Variants in GALNS observed in about 807,000 individuals in gnomAD.
GALNS encodes galactosamine (N-acetyl)-6-sulfatase.
In GALNS, 65 loss-of-function variants were observed where a neutral mutation model predicts 65.9. The ratio of observed to expected loss-of-function variants is 0.99; its 90% CI spans 0.81 to 1.21. The LOEUF is 1.21. Ranked by LOEUF, GALNS falls within the 50% of genes most tolerant of loss-of-function variation. The probability of loss-of-function intolerance (pLI) is 0.00; values close to 1 mark genes in which losing one functional copy is unlikely to be tolerated. For synonymous variants in GALNS, 346 were observed against 288.9 expected, an observed-to-expected ratio of 1.20 and a Z score of -2.00; for missense variants, 776 against 700.7, an observed-to-expected ratio of 1.11 and a Z score of -1.21.
intron 1 of GALNS, among the ~76,000 whole-genome samples, chr16:88,852,993 G>A (rs1416569813): frequency 1.3e-5 from 2 of 151,934 alleles, no homozygotes; most frequent in Admixed American, 6.6e-5. Flanking sequence ...GCTCATGCCT[G>A]TAATCCCAGC....
chr16:88,847,515 T>C (rs1346934361), intron 1 of GALNS, among the ~76,000 whole-genome samples: 1 of 152,208 alleles, frequency 6.6e-6, no homozygotes, highest in Non-Finnish European at 1.5e-5. Flanking sequence ...GGGCTGTGCC[T>C]GGAGGCCGAG....
chr16:88,834,600 GC>G (rs1230062206), intron 8 of GALNS, among the ~76,000 whole-genome samples: 3 of 65,682 alleles, frequency 4.6e-5, no homozygotes, highest in African/African-American at 4.1e-5. Flanking sequence ...AGGCTGTAGG[GC>G]CCCCCCCGTG....
intron 1 of GALNS, among the ~76,000 whole-genome samples, chr16:88,848,102 G>A (rs73252888): frequency 0.018 from 2,695 of 152,330 alleles, 85 homozygotes; most frequent in African/African-American, 0.059. Context: ...CCCATGAGCC[G>A]TAAGATTCCA....
At chr16:88,842,413 C>G in intron 2 of GALNS, 2 of 540,490 alleles carry the variant, frequency 3.7e-6, no homozygotes, top group Non-Finnish European at 6.7e-6. Flanking sequence ...GACGGAGCCA[C>G]ACTGCAGCAC....
At chr16:88,839,795 G>A (rs1193874764) in intron 4 of GALNS, among the ~76,000 whole-genome samples, 1 of 152,176 alleles carries the variant, frequency 6.6e-6, no homozygotes, top group Non-Finnish European at 1.5e-5. Context: ...CAGGAGCCTC[G>A]AGGCCTCTAT....
chr16:88,854,773 C>T (rs9939301), intron 1 of GALNS, among the ~76,000 whole-genome samples: 3,939 of 152,338 alleles, frequency 0.026, 171 homozygotes, highest in African/African-American at 0.09. Flanking sequence ...CCTGGTCTGT[C>T]GACTCAGGAG....
In GALNS at chr16:88,835,810, G is replaced by A. The variant is rs1353997349; in HGVS notation, c.673C>T (p.Pro225Ser). Residue 225 changes from proline (P) to serine (S), a missense_variant, in exon 7 of 14, where the codon CCC becomes TCC. Pro to Ser is a moderately conservative substitution (Grantham distance 74). Transcript: ENST00000268695. ...TCGACAGCCCAGTAGAGGAAAAAGG[G>A]GTGGTGCCGTGCCTGTCTCTTAATG... is the stretch of plus-strand genomic sequence containing the variant. Reference protein sequence around the residue: ...DFIKRQARHHPFFLYWAVDAT... With the variant: ...DFIKRQARHHSFFLYWAVDAT... 1 of 1,614,162 alleles carries A rather than the reference G, an allele frequency of 6.2e-7. No homozygotes were observed.
intron 8 of GALNS, among the ~76,000 whole-genome samples, chr16:88,833,854 T>C (rs1051228408): frequency 6.6e-6 from 1 of 152,198 alleles, no homozygotes; most frequent in Non-Finnish European, 1.5e-5. Flanking sequence ...ATACCATTTG[T>C]TGGTATGAAA....
chr16:88,841,582 C>T (rs958675281), intron 3 of GALNS, among the ~76,000 whole-genome samples: 5 of 152,228 alleles, frequency 3.3e-5, no homozygotes, highest in Non-Finnish European at 7.3e-5. Context: ...CCAGAACTGC[C>T]GCTGATGCCA....
At chr16:88,846,564 T>G (rs924202403) in intron 1 of GALNS, among the ~76,000 whole-genome samples, 6 of 144,520 alleles carry the variant, frequency 4.2e-5, no homozygotes, top group African/African-American at 1.3e-4. Flanking sequence ...TCGCCCAGGC[T>G]GGAGGGCACA....
chr16:88,843,018 G>A (rs531631373), intron 1 of GALNS, 189 bp from the exon 2 acceptor site: 10 of 1,526,264 alleles, frequency 6.6e-6, no homozygotes, highest in African/African-American at 5.6e-5. Context: ...GCCGCTCCAC[G>A]CCAGCCCAAA....
At chr16:88,856,291 G>A (rs192411616) in intron 1 of GALNS, 13 of 702,984 alleles carry the variant, frequency 1.8e-5, no homozygotes, top group African/African-American at 1.2e-4. Flanking sequence ...CCGAGGTGGC[G>A]GGAGTGATTC....
intron 1 of GALNS, among the ~76,000 whole-genome samples, chr16:88,854,104 G>A (rs1192383284): frequency 6.6e-6 from 1 of 152,186 alleles, no homozygotes; most frequent in African/African-American, 2.4e-5. Context: ...GCTGGAGGCA[G>A]CCGGTCCCTG....
At chr16:88,843,052 C>T (rs1267261390) in intron 1 of GALNS, 18 of 1,521,808 alleles carry the variant, frequency 1.2e-5, no homozygotes, top group Admixed American at 5.9e-5. Context: ...TGCGTGCGTG[C>T]ACGATGGGGC....
chr16:88,824,934 C>G, intron 10 of GALNS, 65 bp from the exon 11 acceptor site: 1 of 1,316,892 alleles, frequency 7.6e-7, no homozygotes, highest in Non-Finnish European at 1.1e-6. Context: ...CCTGGAGGCT[C>G]TGGGCTGCGT....
In GALNS at chr16:88,816,127, CT is replaced by C. The variant is rs937804517; in HGVS notation, c.1483-1603del. 1.0e-5 allele frequency: 10 copies of C among 967,742 alleles called. No individual in the cohort carries two copies. The Admixed American group carries it at 5.4e-4, about 52-fold the overall frequency. The allele number at this position is 967,742 out of a possible 1,614,324, so 59.9% of individuals were successfully genotyped here. On this transcript the variant is annotated intron_variant, in intron 13 of 13. Coordinates refer to ENST00000268695, the MANE Select transcript of GALNS (RefSeq NM_000512.5). The stretch of plus-strand genomic sequence containing the variant: ...TCAGCTCGCCAGGTCTGAGTTGGCA[CT>C]TTTCCCCCTGCAGAGAGCACAGGTG...
chr16:88,829,314 G>A (rs934166606), intron 9 of GALNS, among the ~76,000 whole-genome samples: 5 of 152,170 alleles, frequency 3.3e-5, no homozygotes, highest in Admixed American at 6.5e-5. Flanking sequence ...TGGAGGGGGC[G>A]GCACAGCTGC....
intron 8 of GALNS, among the ~76,000 whole-genome samples, chr16:88,832,684 C>T (rs1417095073): frequency 6.6e-6 from 1 of 152,214 alleles, no homozygotes. Context: ...GGGCCCACGT[C>T]AGGGACAAAA....
Position 88,835,240 on chromosome 16 carries a change from C to T in GALNS, c.871G>A (p.Ala291Thr), listed in dbSNP as rs118204448. 8.1e-6 allele frequency: 13 copies of T among 1,598,686 alleles called. No individual in the cohort carries two copies. The highest frequency in any genetic ancestry group is 4.0e-5 in the African/African-American group (3 of 74,754). Residue 291 changes from alanine (A) to threonine (T), a missense_variant, in exon 8 of 14, where the codon GCT becomes ACT. By Grantham distance (58) the Ala-to-Thr change is moderately conservative (BLOSUM62 0). Coordinates refer to ENST00000268695, the MANE Select transcript of GALNS (RefSeq NM_000512.5). ...TFVFFTSDNGAALISAPEQGG... is the reference protein window; with the variant it reads ...TFVFFTSDNGTALISAPEQGG... Reference sequence around the variant, plus strand: ...TGTTCGGGGGCGGAAATGAGGGCAGCGCCGTTGTCCGACGTGAAGAAGACG... The same window carrying T: ...TGTTCGGGGGCGGAAATGAGGGCAGTGCCGTTGTCCGACGTGAAGAAGACG...
Sources: allele counts gnomAD v4.1 joint callset (sites outside exome capture counted in the v4.1 genomes callset), GRCh38; gene constraint gnomAD v4.1.1; transcripts MANE v1.5; gene names NCBI Gene and HGNC (gene_info 2026-07-23, HGNC 2026-07-21).